The following CCDC38 variants were observed in gnomAD, a reference collection of about 807,000 sequenced individuals.
CCDC38 encodes coiled-coil domain containing 38.
Under a neutral mutation model 72.8 loss-of-function variants are expected in CCDC38, and 69 were observed. The ratio of observed to expected loss-of-function variants is 0.95; its 90% CI spans 0.78 to 1.16. The LOEUF is 1.16. CCDC38 is among the 50% of genes most tolerant of loss of function. The pLI is 0.00. For missense variants in CCDC38, 626 were observed against 638.9 expected (o/e 0.98, Z 0.22); for synonymous variants, 201 against 213.2 (o/e 0.94, Z 0.50).
chr12:95,906,268 C>T, intron 5 of CCDC38, 119 bp downstream of exon 5: 1 of 706,144 alleles, frequency 1.4e-6, no homozygotes. Context: ...AAAAAACCAA[C>T]CTGTTCAACC....
intron 8 of CCDC38, among the ~76,000 whole-genome samples, chr12:95,892,103 G>A (rs1306748680): frequency 3.7e-5 from 1 of 26,864 alleles, no homozygotes; most frequent in East Asian, 1.5e-3. Context: ...TTTTTTTTTT[G>A]AGACGGAGTC....
chr12:95,890,729 A>G, intron 9 of CCDC38, 103 bp downstream of exon 9: 3 of 633,138 alleles, frequency 4.7e-6, no homozygotes, highest in Non-Finnish European at 2.8e-6. Context: ...GGTGGGGTGG[A>G]CACAGCCCTC....
chr12:95,867,159 G>A lies in CCDC38; in HGVS notation c.1609C>T (p.Pro537Ser). The change falls in exon 16 of 16, where the codon CCT (proline) becomes TCT (serine). Residue 537 changes from proline (P) to serine (S), a missense_variant. Pro to Ser is a moderately conservative substitution (Grantham distance 74). Coordinates refer to ENST00000344280, the MANE Select transcript of CCDC38 (RefSeq NM_182496.3). Reference protein sequence around the residue: ...LGRRLVFHSKPPSGNKQQLPL... With the variant: ...LGRRLVFHSKSPSGNKQQLPL... ...AGCTGCTGTTTGTTACCAGATGGAGGTTTTGAATGAAAGACAAGTCGTCTT... is the reference window on the plus strand; with the variant it reads ...AGCTGCTGTTTGTTACCAGATGGAGATTTTGAATGAAAGACAAGTCGTCTT... 6.2e-7 allele frequency: 1 copy of A among 1,606,270 alleles called. No individual in the cohort carries two copies. Among genetic ancestry groups the A allele is most frequent in the South Asian group, 1.1e-5 (1 of 89,950 alleles).
chr12:95,909,631 A>G lies in CCDC38; in HGVS notation c.305-3180T>C, dbSNP rs76166966. Among the ~76,000 whole-genome samples the G allele has an allele frequency of 2.7e-4, 41 of 151,970 alleles. No homozygotes were observed. In the East Asian group the frequency reaches 7.0e-3, roughly 26 times the overall value. ...AACTACAGGCCACTATCCTTGATGA[A>G]CATAGACATGAAAATCCTCAAAAAA... On this transcript the variant is annotated intron_variant, in intron 4 of 15. Transcript: ENST00000344280.
At chr12:95,883,714 G>T (rs2079726234) in intron 10 of CCDC38, among the ~76,000 whole-genome samples, 1 of 152,174 alleles carries the variant, frequency 6.6e-6, no homozygotes, top group African/African-American at 2.4e-5. Flanking sequence ...CTCCCTAAAT[G>T]GTAAGGCCCT....
chr12:95,926,265 C>T (rs1214135852), intron 2 of CCDC38, among the ~76,000 whole-genome samples: 1 of 150,638 alleles, frequency 6.6e-6, no homozygotes, highest in African/African-American at 2.4e-5. Flanking sequence ...CTGGTTTAGT[C>T]TTGGGAGAGT....
At chr12:95,931,961 T>C (rs568958197) in intron 2 of CCDC38, among the ~76,000 whole-genome samples, 53 of 152,162 alleles carry the variant, frequency 3.5e-4, no homozygotes, top group Non-Finnish European at 6.6e-4. Flanking sequence ...TGAGGCAGGA[T>C]CATCTCTTGT....
chr12:95,932,495 G>A (rs564841708), intron 2 of CCDC38, among the ~76,000 whole-genome samples: 1 of 151,900 alleles, frequency 6.6e-6, no homozygotes, highest in African/African-American at 2.4e-5. Context: ...TAGAAATCAT[G>A]GCTTTTACTG....
chr12:95,929,008 C>A (rs1249174696), intron 2 of CCDC38, among the ~76,000 whole-genome samples: 2 of 152,032 alleles, frequency 1.3e-5, no homozygotes, highest in Admixed American at 1.3e-4. Flanking sequence ...CTGTGCCCTG[C>A]CCCCAGAGGT....
chr12:95,891,414 C>G (rs747170686), intron 8 of CCDC38, among the ~76,000 whole-genome samples: 5 of 152,148 alleles, frequency 3.3e-5, no homozygotes, highest in Non-Finnish European at 7.3e-5. Context: ...GGCACCATCA[C>G]AGCTCACTGC....
chr12:95,904,719 T>A (rs2079983964), intron 5 of CCDC38, among the ~76,000 whole-genome samples: 1 of 152,202 alleles, frequency 6.6e-6, no homozygotes, highest in Non-Finnish European at 1.5e-5. Context: ...ATGTGGTTGA[T>A]CTGTCTCCAG....
chr12:95,894,904 T>A (rs2079868940), intron 8 of CCDC38, 85 bp downstream of exon 8: 2 of 1,123,246 alleles, frequency 1.8e-6, no homozygotes, highest in Admixed American at 2.4e-5. Context: ...CTTAAAAAAA[T>A]ATCTATTTAG....
chr12:95,867,697 C>T (rs1440048638), intron 15 of CCDC38, among the ~76,000 whole-genome samples: 3 of 152,196 alleles, frequency 2.0e-5, no homozygotes, highest in Admixed American at 6.5e-5. Flanking sequence ...CTTTGGGAAA[C>T]CCCGAGTTCA....
intron 4 of CCDC38, among the ~76,000 whole-genome samples, chr12:95,906,919 G>A (rs1405560921): frequency 6.6e-6 from 1 of 150,670 alleles, no homozygotes; most frequent in Non-Finnish European, 1.5e-5. Flanking sequence ...AAGGTCAGCA[G>A]ATAAACAAGT....
At chr12:95,921,228 TTCTCTC>T (rs1190545765) in intron 2 of CCDC38, among the ~76,000 whole-genome samples, 2 of 152,202 alleles carry the variant, frequency 1.3e-5, no homozygotes, top group African/African-American at 2.4e-5. Context: ...CAAAAAAACT[TTCTCTC>T]TCTTTATTTC....
chr12:95,875,029 T>C (rs983140284), intron 13 of CCDC38, among the ~76,000 whole-genome samples: 1 of 152,212 alleles, frequency 6.6e-6, no homozygotes, highest in Non-Finnish European at 1.5e-5. Context: ...GAGCAGTTTA[T>C]GTTCCATTTC....
At chr12:95,937,846 G>C (rs1400683175) in intron 1 of CCDC38, among the ~76,000 whole-genome samples, 1 of 152,192 alleles carries the variant, frequency 6.6e-6, no homozygotes, top group East Asian at 1.9e-4. Flanking sequence ...GTGGGGGACA[G>C]GGCAATTTTT....
chr12:95,892,583 CTTTT>C (rs577335624), intron 8 of CCDC38, among the ~76,000 whole-genome samples: 4 of 121,170 alleles, frequency 3.3e-5, no homozygotes, highest in Admixed American at 2.5e-4. Flanking sequence ...GGCTTAAATT[CTTTT>C]TTTTTTTTTT....
rs1043538512 is a variant in CCDC38 at position 95,942,559 on chromosome 12, T to C, written c.-143A>G. On this transcript the variant is annotated 5_prime_UTR_variant, in exon 1 of 16. An upstream start codon of the reference 5' UTR is lost. Transcript: ENST00000344280. ...CCTCCCCCAGCCCGGTTCCCGGTCATCTCAGGGACCGTCTGGTAGCTGATC... is the reference window on the plus strand; with the variant it reads ...CCTCCCCCAGCCCGGTTCCCGGTCACCTCAGGGACCGTCTGGTAGCTGATC... 1 of 152,286 alleles carries C rather than the reference T, an allele frequency of 6.6e-6. No homozygotes were observed. The highest frequency in any genetic ancestry group is 2.4e-5 in the African/African-American group (1 of 41,446). The allele number at this position is 152,286 out of a possible 1,614,324, so 9.4% of individuals were successfully genotyped here. A position where few individuals can be genotyped will look rare whatever the true frequency, so the allele number is the denominator to read the frequency against.
Sources: gnomAD v4.1 joint callset for allele counts (sites outside exome capture counted in the v4.1 genomes callset) on GRCh38, gnomAD v4.1.1 for gene constraint, MANE v1.5 for transcripts, NCBI Gene and HGNC (gene_info 2026-07-23, HGNC 2026-07-21) for gene names.